Variants in SYT16 observed in about 807,000 individuals in gnomAD.
SYT16 encodes the protein synaptotagmin 16.
A neutral mutation model predicts 61.4 loss-of-function variants in SYT16; 42 were observed. The observed-to-expected ratio is 0.68, with a 90% CI of 0.53 to 0.89. SYT16 has a LOEUF of 0.89. Ranked by LOEUF, SYT16 falls within the 40% of genes least tolerant of loss-of-function variation. The pLI is 0.00. For missense variants in SYT16, 804 were observed against 807.3 expected (o/e 1.00, Z 0.05); for synonymous variants, 314 against 302.3 (o/e 1.04, Z -0.40).
At chr14:61,962,626 C>G (rs1253808789) in intron 1 of SYT16, among the ~76,000 whole-genome samples, 1 of 151,978 alleles carries the variant, frequency 6.6e-6, no homozygotes, top group Non-Finnish European at 1.5e-5. Flanking sequence ...CCTTTTTGGA[C>G]TTCCATAATG....
intron 1 of SYT16, among the ~76,000 whole-genome samples, chr14:61,941,449 C>T (rs1010865040): frequency 1.2e-4 from 19 of 152,146 alleles, no homozygotes; most frequent in South Asian, 2.1e-4. Flanking sequence ...AATCTTCATT[C>T]GTAGCCCTCT....
At chr14:61,972,580 C>A (rs1470078022) in intron 2 of SYT16, among the ~76,000 whole-genome samples, 1 of 152,194 alleles carries the variant, frequency 6.6e-6, no homozygotes, top group African/African-American at 2.4e-5. Context: ...TGACATTTCT[C>A]CTTTTACAAG....
chr14:61,815,984 A>AACTAATGTTGG (rs1378485945), intron 1 of SYT16, among the ~76,000 whole-genome samples: 2 of 152,222 alleles, frequency 1.3e-5, no homozygotes, highest in Admixed American at 6.5e-5. Context: ...GTAATGTTGG[A>AACTAATGTTGG]AACATCTAAC....
chr14:62,056,825 G>A (rs886753566), intron 3 of SYT16, among the ~76,000 whole-genome samples: 2 of 152,184 alleles, frequency 1.3e-5, no homozygotes, highest in South Asian at 4.1e-4. Flanking sequence ...AAGACACGGC[G>A]GAGTCCCAGC....
chr14:62,073,919 A>T (rs551408680), intron 4 of SYT16, among the ~76,000 whole-genome samples: 1 of 152,220 alleles, frequency 6.6e-6, no homozygotes, highest in Non-Finnish European at 1.5e-5. Context: ...AGAAGCTTAC[A>T]TTCTATTAAT....
At chr14:62,044,622 A>T (rs1224113689) in intron 3 of SYT16, among the ~76,000 whole-genome samples, 2 of 152,148 alleles carry the variant, frequency 1.3e-5, no homozygotes, top group Non-Finnish European at 2.9e-5. Context: ...CCCTGCAAAG[A>T]ATATGAACTC....
intron 1 of SYT16, among the ~76,000 whole-genome samples, chr14:61,900,336 G>A (rs1003944631): frequency 2.6e-5 from 4 of 151,912 alleles, no homozygotes; most frequent in African/African-American, 9.7e-5. Flanking sequence ...TTTTGTATTT[G>A]TAGTAGAGAC....
intron 2 of SYT16, among the ~76,000 whole-genome samples, chr14:61,985,120 C>T (rs2052247513): frequency 6.6e-6 from 1 of 152,142 alleles, no homozygotes; most frequent in African/African-American, 2.4e-5. Flanking sequence ...CATTACTATT[C>T]TAACAGCCCA....
At chr14:61,904,622 A>G (rs546475915) in intron 1 of SYT16, among the ~76,000 whole-genome samples, 1 of 152,222 alleles carries the variant, frequency 6.6e-6, no homozygotes, top group East Asian at 1.9e-4. Context: ...GAAAGAGTAA[A>G]TCTGTGTATC....
At chr14:62,043,808 T>C (rs1336667352) in intron 3 of SYT16, among the ~76,000 whole-genome samples, 1 of 152,166 alleles carries the variant, frequency 6.6e-6, no homozygotes. Context: ...TTAAGAGACT[T>C]TCATAATACT....
chr14:61,905,513 C>G (rs1336012713), intron 1 of SYT16, among the ~76,000 whole-genome samples: 1 of 152,216 alleles, frequency 6.6e-6, no homozygotes, highest in Admixed American at 6.5e-5. Context: ...TGACTGAGTT[C>G]TGACCAGTGG....
chr14:62,106,032 C>T lies in SYT16; in HGVS notation c.*5325C>T, dbSNP rs1400009869. The T allele has an allele frequency of 6.6e-6, 1 of 152,118 alleles. No individual in the cohort carries two copies. Among genetic ancestry groups the T allele is most frequent in the Non-Finnish European group, 1.5e-5 (1 of 68,014 alleles). 9.4% of individuals were successfully genotyped at this position (152,118 alleles called of 1,614,324 possible). A position where few individuals can be genotyped will look rare whatever the true frequency, so the allele number is the denominator to read the frequency against. On this transcript the variant is annotated 3_prime_UTR_variant, in exon 8 of 8. Transcript: ENST00000683842. ...AGTAACAATGATCCAAAAGTTCTAA[C>T]CAGGGGGATGGTGCACACTTTCTCT... is the stretch of plus-strand genomic sequence containing the variant.
chr14:61,993,685 G>C (rs1466508568), intron 2 of SYT16, among the ~76,000 whole-genome samples: 1 of 151,942 alleles, frequency 6.6e-6, no homozygotes, highest in African/African-American at 2.4e-5. Context: ...TGGCGAAATG[G>C]GATGTAACAA....
chr14:62,051,654 A>G (rs930586646), intron 3 of SYT16, among the ~76,000 whole-genome samples: 4 of 152,180 alleles, frequency 2.6e-5, no homozygotes, highest in Admixed American at 6.5e-5. Flanking sequence ...ATAGTTGCTT[A>G]AACTTATTTT....
In SYT16 at chr14:62,074,584, C is replaced by G. The variant is rs186146142; in HGVS notation, c.737-551C>G. On this transcript the variant is annotated intron_variant, in intron 4 of 7. Transcript: ENST00000683842. ...TTTTATCATTTTTTAGATAAAGAAG[C>G]AAAGATTCAGAGAATTTGAATATTG... is the stretch of plus-strand genomic sequence containing the variant. Among the ~76,000 whole-genome samples the G allele has an allele frequency of 2.6e-5, 4 of 152,252 alleles. No individual in the cohort carries two copies. The East Asian group carries it at 5.8e-4, about 22-fold the overall frequency.
At chr14:62,097,749 T>C (rs2353779) in intron 7 of SYT16, among the ~76,000 whole-genome samples, 38,049 of 152,146 alleles carry the variant, frequency 0.25, 4,926 homozygotes, top group Middle Eastern at 0.31. Context: ...GCCTTTCTCA[T>C]AATTAGAAAA....
At chr14:61,838,924 A>T (rs879664688) in intron 1 of SYT16, among the ~76,000 whole-genome samples, 3 of 152,264 alleles carry the variant, frequency 2.0e-5, no homozygotes, top group South Asian at 2.1e-4. Context: ...TACTTGGGCC[A>T]TCCCTAGCAA....
chr14:61,815,669 A>C (rs2045405835), intron 1 of SYT16, among the ~76,000 whole-genome samples: 1 of 152,144 alleles, frequency 6.6e-6, no homozygotes, highest in Non-Finnish European at 1.5e-5. Flanking sequence ...GAAAAGGGGA[A>C]CTCGAGAGCT....
chr14:61,919,267 C>T (rs1195431789), intron 1 of SYT16, among the ~76,000 whole-genome samples: 1 of 152,204 alleles, frequency 6.6e-6, no homozygotes, highest in Non-Finnish European at 1.5e-5. Context: ...ATGAACGCAA[C>T]AGCCTCCTAG....
Sources: gnomAD v4.1 joint callset for allele counts (sites outside exome capture counted in the v4.1 genomes callset) on GRCh38, gnomAD v4.1.1 for gene constraint, MANE v1.5 for transcripts, NCBI Gene and HGNC (gene_info 2026-07-23, HGNC 2026-07-21) for gene names.